Variants in MSI2 observed in about 807,000 individuals in gnomAD.
MSI2 encodes the protein RNA-binding protein Musashi homolog 2.
Under a neutral mutation model 45.6 loss-of-function variants are expected in MSI2, and 17 were observed. The ratio of observed to expected loss-of-function variants is 0.37; its 90% CI spans 0.26 to 0.56. The LOEUF is 0.56. MSI2 is among the 20% of genes least tolerant of loss of function. The pLI is 0.77. For synonymous variants in MSI2, 156 were observed against 158.2 expected, an observed-to-expected ratio of 0.99 and a Z score of 0.11; for missense variants, 293 against 444.2, an observed-to-expected ratio of 0.66 and a Z score of 3.06.
At chr17:57,592,120 C>T (rs1050269323) in intron 7 of MSI2, among the ~76,000 whole-genome samples, 2 of 150,204 alleles carry the variant, frequency 1.3e-5, no homozygotes, top group Non-Finnish European at 3.0e-5. Context: ...TGCAGTGAGC[C>T]GAGATCGCGC....
At chr17:57,634,766 C>T (rs1909714055) in intron 10 of MSI2, among the ~76,000 whole-genome samples, 1 of 152,184 alleles carries the variant, frequency 6.6e-6, no homozygotes, top group Non-Finnish European at 1.5e-5. Flanking sequence ...GGATGTGGCT[C>T]CATAATACTC....
intron 6 of MSI2, among the ~76,000 whole-genome samples, chr17:57,443,076 C>T (rs189180705): frequency 2.4e-4 from 37 of 152,260 alleles, no homozygotes; most frequent in African/African-American, 1.2e-4. Context: ...GGCCTGTCTG[C>T]CTGGCTGATG....
chr17:57,400,253 T>C (rs1351716107), intron 5 of MSI2, among the ~76,000 whole-genome samples: 1 of 151,982 alleles, frequency 6.6e-6, no homozygotes, highest in African/African-American at 2.4e-5. Flanking sequence ...TCTCCTTTTT[T>C]TTTTTTATTG....
At chr17:57,685,448 T>G (rs1913852546), downstream of MSI2, 1 of 152,186 alleles carries the variant, frequency 6.6e-6, no homozygotes, top group Admixed American at 6.5e-5. Flanking sequence ...AGGAAAGCTG[T>G]ATTCTCCAGG....
intron 5 of MSI2, among the ~76,000 whole-genome samples, chr17:57,281,673 A>G (rs1229692329): frequency 1.3e-5 from 2 of 152,168 alleles, no homozygotes; most frequent in African/African-American, 2.4e-5. Flanking sequence ...GAGTGCAGCC[A>G]TGCTCGGGAG....
intron 7 of MSI2, among the ~76,000 whole-genome samples, chr17:57,583,141 A>G (rs1433536720): frequency 6.6e-6 from 1 of 152,166 alleles, no homozygotes; most frequent in Non-Finnish European, 1.5e-5. Context: ...ATGTGCTTGT[A>G]TCATTAGTAT....
intron 9 of MSI2, among the ~76,000 whole-genome samples, chr17:57,620,650 C>T (rs890442775): frequency 8.5e-5 from 13 of 152,178 alleles, no homozygotes; most frequent in African/African-American, 3.1e-4. Flanking sequence ...CTTGTGGACT[C>T]CCAGCCCAAG....
At chr17:57,687,156 T>A (rs1454254674), downstream of MSI2, among the ~76,000 whole-genome samples, 3 of 150,862 alleles carry the variant, frequency 2.0e-5, no homozygotes, top group Non-Finnish European at 4.4e-5. Flanking sequence ...AAAACACACA[T>A]TATACCCAAA....
At chr17:57,270,770 C>A (rs892873152) in intron 5 of MSI2, among the ~76,000 whole-genome samples, 9 of 152,202 alleles carry the variant, frequency 5.9e-5, no homozygotes, top group African/African-American at 1.7e-4. Flanking sequence ...CTGTTACTGT[C>A]CCCGAAAAAT....
At chr17:57,399,877 C>G (rs1172128946) in intron 5 of MSI2, among the ~76,000 whole-genome samples, 6 of 152,212 alleles carry the variant, frequency 3.9e-5, no homozygotes, top group Non-Finnish European at 8.8e-5. Context: ...TACAGCACAG[C>G]CTGCCAGTAA....
chr17:57,436,228 A>G (rs1310348530), intron 6 of MSI2, among the ~76,000 whole-genome samples: 2 of 152,202 alleles, frequency 1.3e-5, no homozygotes, highest in Non-Finnish European at 2.9e-5. Flanking sequence ...GTCTCTCAAT[A>G]TGTTGATCTG....
intron 5 of MSI2, among the ~76,000 whole-genome samples, chr17:57,393,570 A>G (rs1299837311): frequency 1.3e-5 from 2 of 152,244 alleles, no homozygotes; most frequent in South Asian, 2.1e-4. Context: ...TGTTGCTGCC[A>G]TGAACACTTG....
intron 11 of MSI2, among the ~76,000 whole-genome samples, chr17:57,654,317 G>C (rs1209405770): frequency 6.6e-6 from 1 of 152,238 alleles, no homozygotes; most frequent in Non-Finnish European, 1.5e-5. Flanking sequence ...GGCTACCCTA[G>C]TTCCTCAGCC....
intron 7 of MSI2, among the ~76,000 whole-genome samples, chr17:57,594,828 T>A (rs1905131124): frequency 6.6e-6 from 1 of 152,168 alleles, no homozygotes; most frequent in Non-Finnish European, 1.5e-5. Context: ...TTTGAGCCCC[T>A]CCAGCAGACA....
intron 6 of MSI2, among the ~76,000 whole-genome samples, chr17:57,402,018 C>A (rs1029359939): frequency 1.3e-4 from 20 of 152,176 alleles, no homozygotes; most frequent in African/African-American, 4.6e-4. Flanking sequence ...AAAATTACCC[C>A]CTGGGCTCTG....
chr17:57,409,774 C>T (rs1166531823), intron 6 of MSI2, among the ~76,000 whole-genome samples: 4 of 151,938 alleles, frequency 2.6e-5, no homozygotes, highest in Non-Finnish European at 4.4e-5. Context: ...TTTGGGGGGC[C>T]AAGGCGGGCG....
chr17:57,663,084 G>A (rs1343142933), intron 11 of MSI2, among the ~76,000 whole-genome samples: 2 of 152,214 alleles, frequency 1.3e-5, no homozygotes, highest in Non-Finnish European at 2.9e-5. Context: ...ACCGCTTCTG[G>A]AAGGTCGCTG....
intron 5 of MSI2, among the ~76,000 whole-genome samples, chr17:57,348,795 A>G (rs1915808236): frequency 6.6e-6 from 1 of 152,162 alleles, no homozygotes; most frequent in Non-Finnish European, 1.5e-5. Context: ...CCAATGACCT[A>G]TAGGGAGAAT....
the MSI2 span, among the ~76,000 whole-genome samples, chr17:57,699,182 A>AGAGAGT: frequency 2.0e-4 from 5 of 25,086 alleles, no homozygotes; most frequent in African/African-American, 3.1e-4. Context: ...AGAGAGAGAG[A>AGAGAGT]GTGTGTGTGT....
Sources: gnomAD v4.1 joint callset for allele counts (sites outside exome capture counted in the v4.1 genomes callset) on GRCh38, gnomAD v4.1.1 for gene constraint, MANE v1.5 for transcripts, NCBI Gene and HGNC (gene_info 2026-07-23, HGNC 2026-07-21) for gene names.